The following SERPINB12 variants were observed in gnomAD, a reference collection of about 807,000 sequenced individuals.
The protein encoded by SERPINB12 is serpin family B member 12.
In SERPINB12, 57 loss-of-function variants were observed where a neutral mutation model predicts 41.1. That is an observed-to-expected ratio of 1.39 (90% CI 1.12 to 1.73). SERPINB12 has a LOEUF of 1.73. Ranked by LOEUF, SERPINB12 falls within the 40% of genes most tolerant of loss-of-function variation. The probability of loss-of-function intolerance (pLI) is 0.00; values close to 1 mark genes in which losing one functional copy is unlikely to be tolerated. For synonymous variants in SERPINB12, 180 were observed against 181.3 expected (o/e 0.99, Z 0.06); for missense variants, 536 against 501.9 (o/e 1.07, Z -0.65).
At position 63,568,822 on chromosome 18, in the gene SERPINB12, G is replaced by A. The variant is rs535932877; in HGVS notation, c.*1811G>A. ...CCCCAGTGATTTCTTTGTGCTCTGA[G>A]AGACAAGTTCCATGTTCTCCATACA... On this transcript the variant is annotated 3_prime_UTR_variant, in exon 8 of 8. Coordinates refer to ENST00000382768, the MANE Select transcript of SERPINB12 (RefSeq NM_001307928.2). Among the ~76,000 whole-genome samples, 2 of 152,298 alleles carry A rather than the reference G, an allele frequency of 1.3e-5. No homozygotes were observed. The highest frequency in any genetic ancestry group is 2.4e-5 in the African/African-American group (1 of 41,574).
chr18:63,526,775 G>T, the SERPINB12 span, among the ~76,000 whole-genome samples: 1 of 152,088 alleles, frequency 6.6e-6, no homozygotes, highest in Non-Finnish European at 1.5e-5. Flanking sequence ...TTACAGTCAC[G>T]TGTTGTTTAA....
intron 1 of SERPINB12, among the ~76,000 whole-genome samples, chr18:63,545,313 C>T (rs1166054922): frequency 6.6e-6 from 1 of 151,790 alleles, no homozygotes; most frequent in Non-Finnish European, 1.5e-5. Flanking sequence ...CTTGAAGTCA[C>T]GGGTACTAGA....
the SERPINB12 span, among the ~76,000 whole-genome samples, chr18:63,535,607 G>A: frequency 6.6e-6 from 1 of 152,116 alleles, no homozygotes; most frequent in African/African-American, 2.4e-5. Context: ...TACAATCCTG[G>A]GTTGGATCCT....
At chr18:63,546,294 T>C (rs1910385959) in intron 1 of SERPINB12, among the ~76,000 whole-genome samples, 1 of 152,226 alleles carries the variant, frequency 6.6e-6, no homozygotes, top group Non-Finnish European at 1.5e-5. Flanking sequence ...TGCTCCACAC[T>C]TTTTGCCCTA....
chr18:63,564,249 C>T, intron 6 of SERPINB12, 129 bp downstream of exon 6: 1 of 906,252 alleles, frequency 1.1e-6, no homozygotes, highest in Admixed American at 2.6e-5. Flanking sequence ...TTGATAAGAA[C>T]CAGTACCTGA....
chr18:63,554,616 A>T (rs1271825646), intron 1 of SERPINB12, among the ~76,000 whole-genome samples: 1 of 151,818 alleles, frequency 6.6e-6, no homozygotes, highest in Admixed American at 6.6e-5. Flanking sequence ...TTTGAAAGGC[A>T]TAGGTCAGTG....
At chr18:63,555,161 C>G (rs1365272083) in intron 1 of SERPINB12, among the ~76,000 whole-genome samples, 1 of 152,090 alleles carries the variant, frequency 6.6e-6, no homozygotes, top group East Asian at 1.9e-4. Flanking sequence ...ACATCAAGAC[C>G]CCCAGCATCA....
At chr18:63,552,499 T>G (rs1319878702) in intron 1 of SERPINB12, among the ~76,000 whole-genome samples, 2 of 152,230 alleles carry the variant, frequency 1.3e-5, no homozygotes, top group African/African-American at 4.8e-5. Flanking sequence ...ATTTTAAAAT[T>G]GCCTATTTGA....
At chr18:63,537,298 G>A in the SERPINB12 span, among the ~76,000 whole-genome samples, 1 of 152,148 alleles carries the variant, frequency 6.6e-6, no homozygotes, top group Non-Finnish European at 1.5e-5. Context: ...TGTTCCTCCA[G>A]GGAAGCTACT....
At chr18:63,551,403 G>T (rs1458210583) in intron 1 of SERPINB12, among the ~76,000 whole-genome samples, 1 of 151,978 alleles carries the variant, frequency 6.6e-6, no homozygotes, top group African/African-American at 2.4e-5. Flanking sequence ...TCAGCTCACT[G>T]CAACCTCTGC....
intron 1 of SERPINB12, among the ~76,000 whole-genome samples, chr18:63,549,543 G>A (rs1436045447): frequency 1.2e-5 from 1 of 86,466 alleles, no homozygotes; most frequent in African/African-American, 4.1e-5. Context: ...CTCCCAATTA[G>A]GCTACGATTG....
chr18:63,541,338 G>A (rs1299061459), upstream of SERPINB12, among the ~76,000 whole-genome samples: 2 of 152,136 alleles, frequency 1.3e-5, no homozygotes, highest in Non-Finnish European at 2.9e-5. Flanking sequence ...ATTGCAGACA[G>A]TGTGTGCTCC....
chr18:63,547,371 G>C (rs949205858), intron 1 of SERPINB12, among the ~76,000 whole-genome samples: 1 of 142,734 alleles, frequency 7.0e-6, no homozygotes, highest in African/African-American at 2.6e-5. Flanking sequence ...TTTTTTTTTT[G>C]CACCATAAGT....
chr18:63,541,214 G>T (rs62098301), upstream of SERPINB12, among the ~76,000 whole-genome samples: 1 of 152,062 alleles, frequency 6.6e-6, no homozygotes, highest in African/African-American at 2.4e-5. Context: ...CATGCCACTC[G>T]TTCCCTCAGA....
chr18:63,559,010 C>CTTTCTTTCTCTCTTTCTTTCTTT (rs1910784755), intron 3 of SERPINB12, among the ~76,000 whole-genome samples: 5 of 55,406 alleles, frequency 9.0e-5, no homozygotes, highest in Admixed American at 2.2e-4. Context: ...TTCCTTCTTT[C>CTTTCTTTCTCTCTTTCTTTCTTT]TTTCTTTCTT....
At chr18:63,552,963 A>G (rs2144326501) in intron 1 of SERPINB12, among the ~76,000 whole-genome samples, 1 of 152,308 alleles carries the variant, frequency 6.6e-6, no homozygotes, top group African/African-American at 2.4e-5. Flanking sequence ...AAACTTTAAC[A>G]GCAACTGTCC....
upstream of SERPINB12, among the ~76,000 whole-genome samples, chr18:63,540,430 A>C (rs1274770490): frequency 6.6e-6 from 1 of 152,172 alleles, no homozygotes; most frequent in Non-Finnish European, 1.5e-5. Context: ...TGAGATTCAG[A>C]TAAACTCTTA....
intron 4 of SERPINB12, 47 bp from the exon 5 acceptor site, chr18:63,561,038 A>G: frequency 8.1e-7 from 1 of 1,240,472 alleles, no homozygotes; most frequent in Non-Finnish European, 1.2e-6. Flanking sequence ...TACGAGCATC[A>G]CTGCCTGACT....
the SERPINB12 span, among the ~76,000 whole-genome samples, chr18:63,528,219 G>A: frequency 5.3e-5 from 8 of 152,044 alleles, no homozygotes; most frequent in Non-Finnish European, 1.0e-4. Flanking sequence ...AGTTTAGGGA[G>A]TTTGAATGAT....
Sources: allele counts gnomAD v4.1 joint callset (sites outside exome capture counted in the v4.1 genomes callset), GRCh38; gene constraint gnomAD v4.1.1; transcripts MANE v1.5; gene names NCBI Gene and HGNC (gene_info 2026-07-23, HGNC 2026-07-21).